The following ANKS1B variants were observed in gnomAD, a reference collection of about 807,000 sequenced individuals.
The protein encoded by ANKS1B is ankyrin repeat and sterile alpha motif domain containing 1B, also known as ankyrin repeat and sterile alpha motif domain-containing protein 1B.
A neutral mutation model predicts 148.3 loss-of-function variants in ANKS1B; 36 were observed. The ratio of observed to expected loss-of-function variants is 0.24; its 90% CI spans 0.19 to 0.32. The LOEUF is 0.32. Ranked by LOEUF, ANKS1B falls within the 10% of genes least tolerant of loss-of-function variation. The pLI, the probability that ANKS1B is intolerant of heterozygous loss-of-function variation, is 1.00. For missense variants in ANKS1B, 1,157 were observed against 1,542.6 expected, an observed-to-expected ratio of 0.75 and a Z score of 4.19; for synonymous variants, 542 against 560.8, an observed-to-expected ratio of 0.97 and a Z score of 0.47.
chr12:98,738,209 G>C (rs897304244), intron 9 of ANKS1B, among the ~76,000 whole-genome samples: 1 of 152,152 alleles, frequency 6.6e-6, no homozygotes, highest in African/African-American at 2.4e-5. Context: ...CCAGAATTTG[G>C]GAAATTTTCA....
In ANKS1B at chr12:98,918,760, C is replaced by T. The variant is rs1044872063; in HGVS notation, c.2779-86624G>A. On this transcript the variant is annotated intron_variant, in intron 17 of 26. Transcript: ENST00000683438. ...GAGTCCTTGTCACTTAAACAGGGAA[C>T]GGTAGTAACTACCTTTTTAATTGTT... 7.2e-5 allele frequency among the ~76,000 whole-genome samples: 11 copies of T among 152,144 alleles called. No individual in the cohort carries two copies. The East Asian group carries it at 1.2e-3, about 16-fold the overall frequency.
intron 22 of ANKS1B, 99 bp from the exon 23 acceptor site, chr12:98,782,236 G>C (rs898638233): frequency 9.6e-7 from 1 of 1,038,878 alleles, no homozygotes; most frequent in African/African-American, 1.6e-5. Flanking sequence ...CACCAACAGT[G>C]TAAATTCATT....
chr12:99,623,596 A>C (rs901677928), intron 9 of ANKS1B, among the ~76,000 whole-genome samples: 1 of 152,000 alleles, frequency 6.6e-6, no homozygotes, highest in African/African-American at 2.4e-5. Flanking sequence ...GCATTTCTAT[A>C]AACCAATAAC....
chr12:99,269,379 T>C (rs2076784202), intron 12 of ANKS1B, among the ~76,000 whole-genome samples: 1 of 152,226 alleles, frequency 6.6e-6, no homozygotes, highest in African/African-American at 2.4e-5. Flanking sequence ...ATGCTTCTTG[T>C]ATGCAGTCTC....
chr12:99,500,315 A>G (rs2096643180), intron 10 of ANKS1B, among the ~76,000 whole-genome samples: 2 of 152,124 alleles, frequency 1.3e-5, no homozygotes, highest in East Asian at 1.9e-4. Context: ...TTCTTTGGGG[A>G]TGCTTGCTCT....
intron 14 of ANKS1B, among the ~76,000 whole-genome samples, chr12:99,230,430 C>A (rs1421239219): frequency 2.0e-5 from 3 of 152,076 alleles, no homozygotes; most frequent in East Asian, 3.8e-4. Context: ...TCTCCCTAGG[C>A]CCCTTCTGGA....
chr12:99,933,358 G>T (rs1737316959), intron 1 of ANKS1B, among the ~76,000 whole-genome samples: 1 of 152,022 alleles, frequency 6.6e-6, no homozygotes, highest in Non-Finnish European at 1.5e-5. Context: ...GGGTAGTATG[G>T]ACATTTTGAC....
At chr12:99,128,601 G>C (rs1315371349) in intron 15 of ANKS1B, among the ~76,000 whole-genome samples, 5 of 152,156 alleles carry the variant, frequency 3.3e-5, no homozygotes, top group East Asian at 3.9e-4. Flanking sequence ...AAACTTGTCT[G>C]TTCATCTGTA....
intron 8 of ANKS1B, among the ~76,000 whole-genome samples, chr12:99,772,093 T>C (rs1166674994): frequency 6.6e-6 from 1 of 152,144 alleles, no homozygotes; most frequent in African/African-American, 2.4e-5. Context: ...CTATAAGTCC[T>C]TCCTCTACAG....
chr12:99,559,446 C>G (rs955228364), intron 9 of ANKS1B, among the ~76,000 whole-genome samples: 1 of 152,092 alleles, frequency 6.6e-6, no homozygotes, highest in Non-Finnish European at 1.5e-5. Context: ...CACATAAATT[C>G]AAGTATTTAT....
chr12:99,257,520 C>T (rs1302096359), intron 12 of ANKS1B, among the ~76,000 whole-genome samples: 2 of 151,930 alleles, frequency 1.3e-5, no homozygotes, highest in East Asian at 3.9e-4. Flanking sequence ...AATTTTCCTA[C>T]TATTATAGTC....
intron 14 of ANKS1B, among the ~76,000 whole-genome samples, chr12:99,180,690 C>T (rs1189336224): frequency 6.8e-6 from 1 of 148,104 alleles, no homozygotes; most frequent in Non-Finnish European, 1.5e-5. Flanking sequence ...TCTTACTTGA[C>T]CAAAATTGAA....
chr12:99,649,611 G>A, intron 9 of ANKS1B: 1 of 518,804 alleles, frequency 1.9e-6, no homozygotes, highest in Admixed American at 3.4e-5. Context: ...GGTCCAGGAG[G>A]AAGTATAGCC....
intron 10 of ANKS1B, among the ~76,000 whole-genome samples, chr12:99,467,522 T>C (rs139659514): frequency 1.4e-3 from 216 of 152,282 alleles, no homozygotes; most frequent in African/African-American, 4.7e-3. Context: ...GATGACATGA[T>C]TGTATATCTA....
intron 17 of ANKS1B, chr12:98,895,000 G>A (rs2099761719): frequency 1.2e-6 from 1 of 816,104 alleles, no homozygotes; most frequent in Non-Finnish European, 1.5e-6. Flanking sequence ...CAGCGGCGGC[G>A]GCGGCGGCGC....
intron 9 of ANKS1B, among the ~76,000 whole-genome samples, chr12:98,736,712 A>G (rs1037296706): frequency 2.0e-5 from 3 of 152,204 alleles, no homozygotes; most frequent in Non-Finnish European, 4.4e-5. Context: ...CAGTGGGATG[A>G]GGGATAAGCC....
chr12:99,008,198 C>G (rs1031906500), intron 17 of ANKS1B, among the ~76,000 whole-genome samples: 2 of 152,088 alleles, frequency 1.3e-5, no homozygotes, highest in Admixed American at 1.3e-4. Context: ...AAGGAAAAGT[C>G]AATTTTTATA....
chr12:99,559,587 T>C, intron 9 of ANKS1B, among the ~76,000 whole-genome samples: 1 of 152,220 alleles, frequency 6.6e-6, no homozygotes. Flanking sequence ...GCAGGCATTA[T>C]ATTAACTTGA....
intron 1 of ANKS1B, among the ~76,000 whole-genome samples, chr12:99,859,578 T>C (rs2089716546): frequency 6.6e-6 from 1 of 152,298 alleles, no homozygotes; most frequent in East Asian, 1.9e-4. Flanking sequence ...TTCTCATATA[T>C]TAAACAAAAT....
Sources: gnomAD v4.1 joint callset for allele counts (sites outside exome capture counted in the v4.1 genomes callset) on GRCh38, gnomAD v4.1.1 for gene constraint, MANE v1.5 for transcripts, NCBI Gene and HGNC (gene_info 2026-07-23, HGNC 2026-07-21) for gene names.